The following ZDHHC14 variants were observed in gnomAD, a reference collection of about 807,000 sequenced individuals.
ZDHHC14 encodes palmitoyltransferase ZDHHC14.
ZDHHC14 carries 16 observed loss-of-function variants against 47.7 expected under a neutral mutation model. That is an observed-to-expected ratio of 0.34 (90% CI 0.23 to 0.51). The LOEUF is 0.51. Among genes scored for constraint, ZDHHC14 ranks in the 20% least tolerant of loss-of-function variants. ZDHHC14 has a pLI of 0.97. For synonymous variants in ZDHHC14, 293 were observed against 278.9 expected (o/e 1.05, Z -0.50); for missense variants, 515 against 662.5 (o/e 0.78, Z 2.44).
At chr6:157,571,188 T>TTTC in intron 2 of ZDHHC14, among the ~76,000 whole-genome samples, 1 of 152,364 alleles carries the variant, frequency 6.6e-6, no homozygotes. Flanking sequence ...AAATAGCCAC[T>TTTC]TCAACTTCAT....
intron 7 of ZDHHC14, among the ~76,000 whole-genome samples, chr6:157,653,020 A>T (rs565040060): frequency 8.5e-5 from 13 of 152,232 alleles, no homozygotes; most frequent in African/African-American, 3.1e-4. Flanking sequence ...GAGAGGGGGG[A>T]AGAGTCCAAA....
At chr6:157,571,376 A>G (rs541259897) in intron 2 of ZDHHC14, among the ~76,000 whole-genome samples, 1 of 152,352 alleles carries the variant, frequency 6.6e-6, no homozygotes, top group South Asian at 2.1e-4. Flanking sequence ...CCCATAAACC[A>G]GAGCTGCTTC....
At chr6:157,657,846 T>C (rs1332626330) in intron 8 of ZDHHC14, among the ~76,000 whole-genome samples, 1 of 152,148 alleles carries the variant, frequency 6.6e-6, no homozygotes, top group Non-Finnish European at 1.5e-5. Context: ...TTTATCCCCA[T>C]CTGGAAGAGG....
chr6:157,487,569 G>A (rs566400366), intron 1 of ZDHHC14, among the ~76,000 whole-genome samples: 52 of 152,210 alleles, frequency 3.4e-4, no homozygotes, highest in African/African-American at 1.2e-3. Flanking sequence ...ATGTACAGAC[G>A]CTGACTGGCC....
chr6:157,596,923 G>C (rs1255023459), intron 3 of ZDHHC14, among the ~76,000 whole-genome samples: 2 of 152,216 alleles, frequency 1.3e-5, no homozygotes, highest in Middle Eastern at 6.8e-3. Flanking sequence ...AGTAGGAATC[G>C]CCTTGTTTCT....
chr6:157,451,435 T>A (rs1440150666), intron 1 of ZDHHC14, among the ~76,000 whole-genome samples: 1 of 152,272 alleles, frequency 6.6e-6, no homozygotes, highest in Non-Finnish European at 1.5e-5. Context: ...CCTAACACAG[T>A]GCTTGGCACG....
intron 8 of ZDHHC14, among the ~76,000 whole-genome samples, chr6:157,670,591 G>A (rs549886034): frequency 1.1e-4 from 16 of 152,160 alleles, no homozygotes; most frequent in African/African-American, 3.1e-4. Context: ...CACTGTGCCC[G>A]GCCGCCTTCC....
chr6:157,579,205 T>TTG (rs1783425399), intron 2 of ZDHHC14, among the ~76,000 whole-genome samples: 3 of 133,910 alleles, frequency 2.2e-5, no homozygotes, highest in Non-Finnish European at 3.2e-5. Context: ...TTTTTTTTTT[T>TTG]TTTTTTTTTT....
chr6:157,570,315 T>A (rs925786269), intron 2 of ZDHHC14, among the ~76,000 whole-genome samples: 3 of 152,260 alleles, frequency 2.0e-5, no homozygotes, highest in African/African-American at 7.2e-5. Context: ...CTTGTCTACT[T>A]GTCTTACAAT....
At chr6:157,415,104 A>C (rs1477214702) in intron 1 of ZDHHC14, among the ~76,000 whole-genome samples, 1 of 152,192 alleles carries the variant, frequency 6.6e-6, no homozygotes, top group Non-Finnish European at 1.5e-5. Context: ...TACTGTCAAG[A>C]GAACTATACT....
In ZDHHC14 at chr6:157,405,470, G is replaced by T. The variant is rs145748430; in HGVS notation, c.245+23204G>T. 8.5e-4 allele frequency among the ~76,000 whole-genome samples: 129 copies of T among 152,234 alleles called. 1 individual carries two copies. Among genetic ancestry groups the T allele is most frequent in the Admixed American group, 2.1e-3 (32 of 15,294 alleles). The stretch of plus-strand genomic sequence containing the variant: ...GATGGTCTCGATCTCCTGACCTCGT[G>T]ATCCACCCGCCTTGGCCTCCCAAAG... On this transcript the variant is annotated intron_variant, in intron 1 of 8. Coordinates refer to ENST00000359775, the MANE Select transcript of ZDHHC14 (RefSeq NM_024630.3).
intron 1 of ZDHHC14, among the ~76,000 whole-genome samples, chr6:157,432,128 G>A (rs1295704678): frequency 6.6e-6 from 1 of 152,152 alleles, no homozygotes; most frequent in African/African-American, 2.4e-5. Context: ...GGCTCCCAAG[G>A]TGAAGAGTGC....
chr6:157,551,353 C>T (rs189039556), intron 2 of ZDHHC14, among the ~76,000 whole-genome samples: 1 of 152,180 alleles, frequency 6.6e-6, no homozygotes, highest in Admixed American at 6.5e-5. Flanking sequence ...GGCTCAGAGA[C>T]AGGTGTAACT....
At chr6:157,470,006 T>G (rs1203636234) in intron 1 of ZDHHC14, among the ~76,000 whole-genome samples, 1 of 152,178 alleles carries the variant, frequency 6.6e-6, no homozygotes, top group Non-Finnish European at 1.5e-5. Context: ...CTCTACAAAA[T>G]GGAGACTAAC....
intron 3 of ZDHHC14, among the ~76,000 whole-genome samples, chr6:157,610,134 C>T (rs759868822): frequency 6.6e-6 from 1 of 151,834 alleles, no homozygotes; most frequent in African/African-American, 2.4e-5. Flanking sequence ...CAGATCCCAC[C>T]CACGACCTGA....
At chr6:157,592,718 C>G (rs1783960049) in intron 2 of ZDHHC14, 6 of 1,207,874 alleles carry the variant, frequency 5.0e-6, no homozygotes, top group African/African-American at 1.6e-5. Context: ...GGCGGGGCTC[C>G]ACAGGGAGGG....
chr6:157,457,471 A>G (rs983392371), intron 1 of ZDHHC14, among the ~76,000 whole-genome samples: 4 of 152,236 alleles, frequency 2.6e-5, no homozygotes, highest in African/African-American at 7.2e-5. Context: ...AAAACGGACA[A>G]TAAAGCCTGT....
intron 1 of ZDHHC14, among the ~76,000 whole-genome samples, chr6:157,510,921 GT>G (rs1182242979): frequency 2.0e-5 from 3 of 152,206 alleles, no homozygotes; most frequent in Admixed American, 2.0e-4. Flanking sequence ...TCCTGCCCAT[GT>G]TTTTGCCCAT....
At chr6:157,569,529 C>G (rs1368482360) in intron 2 of ZDHHC14, among the ~76,000 whole-genome samples, 1 of 152,018 alleles carries the variant, frequency 6.6e-6, no homozygotes, top group African/African-American at 2.4e-5. Flanking sequence ...TATTATTTTA[C>G]TTTTGCAAAT....
Sources: allele counts gnomAD v4.1 joint callset (sites outside exome capture counted in the v4.1 genomes callset), GRCh38; gene constraint gnomAD v4.1.1; transcripts MANE v1.5; gene names NCBI Gene and HGNC (gene_info 2026-07-23, HGNC 2026-07-21).